TMEM132D: variants seen among roughly 807,000 people sequenced by gnomAD.
The protein encoded by TMEM132D is mature OL transmembrane protein.
TMEM132D carries 21 observed loss-of-function variants against 62.3 expected under a neutral mutation model. The observed-to-expected ratio is 0.34, with a 90% CI of 0.24 to 0.49. TMEM132D has a LOEUF of 0.49. TMEM132D is among the 20% of genes least tolerant of loss of function. TMEM132D has a pLI of 0.99. For synonymous variants in TMEM132D, 621 were observed against 575.6 expected (o/e 1.08, Z -1.13); for missense variants, 1,346 against 1,402.8 (o/e 0.96, Z 0.65).
At chr12:129,654,914 T>C (rs1332660269) in intron 2 of TMEM132D, among the ~76,000 whole-genome samples, 3 of 151,858 alleles carry the variant, frequency 2.0e-5, no homozygotes, top group Non-Finnish European at 2.9e-5. Context: ...TGTCCTTCCA[T>C]TGTTCTCTCA....
At chr12:129,461,290 A>G (rs1873660026) in intron 3 of TMEM132D, among the ~76,000 whole-genome samples, 1 of 152,094 alleles carries the variant, frequency 6.6e-6, no homozygotes, top group South Asian at 2.1e-4. Flanking sequence ...CAGAAAGGGG[A>G]CTCTGGGAAC....
chr12:129,255,189 C>T (rs1302529111), intron 4 of TMEM132D, among the ~76,000 whole-genome samples: 1 of 152,118 alleles, frequency 6.6e-6, no homozygotes, highest in African/African-American at 2.4e-5. Context: ...AAACAGAAGC[C>T]ACTGTGCTTC....
At chr12:129,593,503 T>G (rs155371) in intron 2 of TMEM132D, among the ~76,000 whole-genome samples, 39,401 of 152,112 alleles carry the variant, frequency 0.26, 6,274 homozygotes, top group East Asian at 0.43. Flanking sequence ...GGAAAAGTTT[T>G]GGACTGATTT....
chr12:129,283,906 GA>G (rs1263603903), intron 4 of TMEM132D, among the ~76,000 whole-genome samples: 2 of 152,206 alleles, frequency 1.3e-5, no homozygotes, highest in Non-Finnish European at 2.9e-5. Context: ...CTGACCCCTT[GA>G]ATATGAACTT....
intron 5 of TMEM132D, among the ~76,000 whole-genome samples, chr12:129,124,084 C>A (rs1876143795): frequency 6.6e-6 from 1 of 152,074 alleles, no homozygotes; most frequent in Non-Finnish European, 1.5e-5. Flanking sequence ...CTGGAGAACC[C>A]CAACTAATAC....
At chr12:129,790,453 G>A (rs1871370388) in intron 1 of TMEM132D, among the ~76,000 whole-genome samples, 2 of 152,174 alleles carry the variant, frequency 1.3e-5, no homozygotes, top group African/African-American at 4.8e-5. Context: ...GGCTTGGAGT[G>A]GGAATCTAAT....
intron 3 of TMEM132D, among the ~76,000 whole-genome samples, chr12:129,515,704 A>C (rs1470296195): frequency 6.6e-6 from 1 of 152,032 alleles, no homozygotes; most frequent in Non-Finnish European, 1.5e-5. Context: ...GGCCAGGGGG[A>C]ATCTAAACAA....
chr12:129,377,355 C>T (rs113856061), intron 3 of TMEM132D, among the ~76,000 whole-genome samples: 1 of 152,082 alleles, frequency 6.6e-6, no homozygotes, highest in Non-Finnish European at 1.5e-5. Context: ...GCAGCCCAAG[C>T]AGACTCATAC....
At position 129,763,852 on chromosome 12, in the gene TMEM132D, A is replaced by C. The variant is rs139096336; in HGVS notation, c.80-63154T>G. ...GAATGAAAAAGTCAGCCGCAGGTGGAACGTAAGTGCTCAGGTAAAGGAACA... is the reference window on the plus strand; with the variant it reads ...GAATGAAAAAGTCAGCCGCAGGTGGCACGTAAGTGCTCAGGTAAAGGAACA... On this transcript the variant is annotated intron_variant, in intron 1 of 8. Coordinates refer to ENST00000422113, the MANE Select transcript of TMEM132D (RefSeq NM_133448.3). 4.6e-3 allele frequency among the ~76,000 whole-genome samples: 701 copies of C among 152,274 alleles called. 8 individuals are homozygous for C. The highest frequency in any genetic ancestry group is 0.016 in the African/African-American group (650 of 41,548).
chr12:129,588,738 C>CTTT (rs1187924454), intron 2 of TMEM132D, among the ~76,000 whole-genome samples: 14 of 38,794 alleles, frequency 3.6e-4, no homozygotes, highest in African/African-American at 1.3e-3. Flanking sequence ...CCACGCCCAG[C>CTTT]TATTTTTTTC....
chr12:129,119,146 A>C (rs903123996), intron 5 of TMEM132D, among the ~76,000 whole-genome samples: 3 of 152,246 alleles, frequency 2.0e-5, no homozygotes, highest in African/African-American at 4.8e-5. Flanking sequence ...AAAGAACTTC[A>C]GCTTATAAAG....
intron 4 of TMEM132D, among the ~76,000 whole-genome samples, chr12:129,257,175 A>G (rs1880425766): frequency 6.9e-6 from 1 of 145,132 alleles, no homozygotes; most frequent in Non-Finnish European, 1.5e-5. Context: ...AAGCATTTTT[A>G]TGGGCATCCA....
At chr12:129,650,082 G>A (rs922372419) in intron 2 of TMEM132D, among the ~76,000 whole-genome samples, 20 of 152,000 alleles carry the variant, frequency 1.3e-4, no homozygotes, top group Admixed American at 2.6e-4. Context: ...CTCTCTGCCC[G>A]CTCTAAGGTA....
intron 5 of TMEM132D, among the ~76,000 whole-genome samples, chr12:129,099,424 C>G (rs1013084218): frequency 1.3e-5 from 2 of 152,192 alleles, no homozygotes; most frequent in Admixed American, 1.3e-4. Flanking sequence ...CAGAATTTGA[C>G]AGAAGTCTGA....
intron 2 of TMEM132D, among the ~76,000 whole-genome samples, chr12:129,538,617 CAAT>C (rs1277616567): frequency 7.5e-5 from 11 of 146,364 alleles, no homozygotes; most frequent in East Asian, 6.5e-4. Context: ...AGGAGATTAA[CAAT>C]AATAACTAAT....
At chr12:129,121,165 G>A (rs889071309) in intron 5 of TMEM132D, among the ~76,000 whole-genome samples, 5 of 151,848 alleles carry the variant, frequency 3.3e-5, no homozygotes, top group East Asian at 3.9e-4. Context: ...GCACAATCTC[G>A]GCTCACTGCA....
Position 129,248,929 on chromosome 12 carries a change from T to C in TMEM132D, c.1300-39266A>G, listed in dbSNP as rs144353347. On this transcript the variant is annotated intron_variant, in intron 4 of 8. Transcript: ENST00000422113. ...TCCATGGTGTATATGTACCACTTTA[T>C]ATACTCAAAGGAATATAAATCATTC... Among the ~76,000 whole-genome samples the C allele has an allele frequency of 2.6e-5, 4 of 152,336 alleles. No individual in the cohort carries two copies. The East Asian group carries it at 7.7e-4, about 29-fold the overall frequency.
At chr12:129,589,467 G>A (rs965045580) in intron 2 of TMEM132D, among the ~76,000 whole-genome samples, 2 of 152,122 alleles carry the variant, frequency 1.3e-5, no homozygotes, top group East Asian at 3.9e-4. Context: ...ATGGACAATT[G>A]GTACCTACCC....
intron 4 of TMEM132D, among the ~76,000 whole-genome samples, chr12:129,263,689 CATT>C (rs1385393600): frequency 3.3e-5 from 5 of 152,038 alleles, no homozygotes; most frequent in African/African-American, 1.2e-4. Flanking sequence ...CAGAGGAAGG[CATT>C]TTGGGGATGT....
Sources: gnomAD v4.1 joint callset for allele counts (sites outside exome capture counted in the v4.1 genomes callset) on GRCh38, gnomAD v4.1.1 for gene constraint, MANE v1.5 for transcripts, NCBI Gene and HGNC (gene_info 2026-07-23, HGNC 2026-07-21) for gene names.